Variants in PDXDC1 observed in about 807,000 individuals in gnomAD.
PDXDC1 encodes the protein pyridoxal dependent decarboxylase domain containing 1.
Under a neutral mutation model 100.1 loss-of-function variants are expected in PDXDC1, and 42 were observed. That is an observed-to-expected ratio of 0.42 (90% CI 0.33 to 0.54). The LOEUF is 0.54. PDXDC1 is among the 20% of genes least tolerant of loss of function. The pLI is 0.10. For missense variants in PDXDC1, 636 were observed against 979.2 expected, an observed-to-expected ratio of 0.65 and a Z score of 4.68; for synonymous variants, 260 against 371.7, an observed-to-expected ratio of 0.70 and a Z score of 3.46.
intron 16 of PDXDC1, among the ~76,000 whole-genome samples, chr16:15,058,154 C>T (rs1256392848): frequency 6.6e-6 from 1 of 152,002 alleles, no homozygotes; most frequent in Non-Finnish European, 1.5e-5. Flanking sequence ...CCAACAAATA[C>T]AAAAATTAGC....
In PDXDC1 at chr16:15,134,024, G is replaced by A. The variant is rs1292207919; in HGVS notation, c.1400-4855G>A. 4 of 1,502,640 alleles carry A rather than the reference G, an allele frequency of 2.7e-6. No individual in the cohort carries two copies. The East Asian group carries it at 9.3e-5, about 35-fold the overall frequency. The allele number at this position is 1,502,640 out of a possible 1,614,324, so 93.1% of individuals were successfully genotyped here. A position where few individuals can be genotyped will look rare whatever the true frequency, so the allele number is the denominator to read the frequency against. ...TGCCTGCGCTGCCCGTGGATGTGGT[G>A]GTCTCATCCAGCACCAGTGTCTTGT... On this transcript the variant is annotated intron_variant, in intron 16 of 16. Transcript: ENST00000535621.
At chr16:15,044,423 G>T in intron 16 of PDXDC1, 1 of 1,594,906 alleles carries the variant, frequency 6.3e-7, no homozygotes, top group Non-Finnish European at 8.6e-7. Context: ...AAAGAGATGA[G>T]ACGGGTCAGA....
intron 1 of PDXDC1, among the ~76,000 whole-genome samples, chr16:14,982,289 A>G (rs1968170722): frequency 6.6e-6 from 1 of 152,310 alleles, no homozygotes; most frequent in East Asian, 1.9e-4. Context: ...ATGATGGTTA[A>G]AAATAAGACT....
At chr16:15,075,527 C>T (rs1186002418) in intron 16 of PDXDC1, among the ~76,000 whole-genome samples, 1 of 151,736 alleles carries the variant, frequency 6.6e-6, no homozygotes, top group Non-Finnish European at 1.5e-5. Flanking sequence ...GCCAAGATCA[C>T]ACACTGCCAC....
intron 16 of PDXDC1, chr16:15,061,887 C>G (rs777966577): frequency 6.2e-7 from 1 of 1,612,588 alleles, no homozygotes; most frequent in Non-Finnish European, 8.5e-7. Context: ...AAGTCATCAT[C>G]TTCATCTTCC....
intron 11 of PDXDC1, among the ~76,000 whole-genome samples, chr16:15,017,794 T>G (rs2041904987): frequency 7.2e-6 from 1 of 137,996 alleles, no homozygotes; most frequent in Non-Finnish European, 1.6e-5. Flanking sequence ...GGTTTTAACT[T>G]TTTTTTTTTT....
chr16:15,062,493 A>T (rs1196642097), intron 16 of PDXDC1, among the ~76,000 whole-genome samples: 1 of 152,244 alleles, frequency 6.6e-6, no homozygotes, highest in Non-Finnish European at 1.5e-5. Flanking sequence ...GCAACAGAGC[A>T]GCGAAATTCT....
intron 16 of PDXDC1, among the ~76,000 whole-genome samples, chr16:15,102,567 G>A (rs898675357): frequency 6.6e-6 from 1 of 151,348 alleles, no homozygotes; most frequent in East Asian, 2.0e-4. Context: ...AGGCAGGCAG[G>A]GACCAAGCTT....
At chr16:15,146,502 G>A in the PDXDC1 span, among the ~76,000 whole-genome samples, 2 of 152,080 alleles carry the variant, frequency 1.3e-5, no homozygotes, top group African/African-American at 2.4e-5. Flanking sequence ...ACCAGAACGC[G>A]TCAAAAGGCA....
chr16:15,144,048 C>G (rs906368093), downstream of PDXDC1, among the ~76,000 whole-genome samples: 2 of 152,196 alleles, frequency 1.3e-5, no homozygotes, highest in African/African-American at 4.8e-5. Context: ...CAGGACAGGA[C>G]GCCAGACCCA....
At chr16:15,150,481 A>G in the PDXDC1 span, among the ~76,000 whole-genome samples, 1 of 151,454 alleles carries the variant, frequency 6.6e-6, no homozygotes, top group African/African-American at 2.4e-5. Flanking sequence ...CCTGACCAAC[A>G]TGGTGAAACC....
chr16:15,032,653 TAAAAA>T, intron 17 of PDXDC1: 7 of 215,812 alleles, frequency 3.2e-5, no homozygotes, highest in Admixed American at 1.2e-4. Context: ...GACCCTGCTT[TAAAAA>T]AAAAAAAAAA....
At chr16:15,024,580 T>C (rs1402402781) in intron 13 of PDXDC1, among the ~76,000 whole-genome samples, 11 of 152,202 alleles carry the variant, frequency 7.2e-5, no homozygotes, top group Non-Finnish European at 1.6e-4. Flanking sequence ...GTCCAGCTAA[T>C]TTCTGTATTT....
At chr16:15,041,752 G>A (rs548835157), downstream of PDXDC1, 53 of 1,033,226 alleles carry the variant, frequency 5.1e-5, 1 homozygote, top group South Asian at 5.4e-4. Context: ...GCAAGCCAAC[G>A]ACAGGGAGGG....
intron 16 of PDXDC1, among the ~76,000 whole-genome samples, chr16:15,132,290 T>G (rs1598255170): frequency 7.7e-5 from 1 of 12,904 alleles, no homozygotes; most frequent in Admixed American, 7.3e-4. Context: ...GAGGGGAAGG[T>G]CTAGGGGAGG....
At chr16:14,998,275 T>C (rs1972428859) in intron 2 of PDXDC1, 65 bp from the exon 3 acceptor site, 1 of 1,540,086 alleles carries the variant, frequency 6.5e-7, no homozygotes, top group East Asian at 2.3e-5. Context: ...CATGTTTGCA[T>C]ATTCAGGAGT....
At chr16:15,086,204 G>C (rs1200624003) in intron 16 of PDXDC1, 2 of 1,590,622 alleles carry the variant, frequency 1.3e-6, no homozygotes, top group Non-Finnish European at 1.7e-6. Context: ...AGATTACCAA[G>C]AAAAGCCAAA....
At chr16:15,077,438 A>G (rs2045509258) in intron 16 of PDXDC1, among the ~76,000 whole-genome samples, 1 of 151,954 alleles carries the variant, frequency 6.6e-6, no homozygotes, top group Admixed American at 6.6e-5. Flanking sequence ...AGGGGTTTCC[A>G]CTTTTACATC....
chr16:15,131,703 G>A (rs1166736331), intron 16 of PDXDC1: 16 of 1,516,006 alleles, frequency 1.1e-5, no homozygotes, highest in East Asian at 2.5e-5. Context: ...GGTGGATGAG[G>A]TCTCCTGCAG....
Sources: gnomAD v4.1 joint callset for allele counts (sites outside exome capture counted in the v4.1 genomes callset) on GRCh38, gnomAD v4.1.1 for gene constraint, MANE v1.5 for transcripts, NCBI Gene and HGNC (gene_info 2026-07-23, HGNC 2026-07-21) for gene names.